STON1: variants seen among roughly 807,000 people sequenced by gnomAD.
The protein encoded by STON1 is stonin 1.
STON1 carries 79 observed loss-of-function variants against 60.9 expected under a neutral mutation model. That is an observed-to-expected ratio of 1.30 (90% CI 1.08 to 1.56). The LOEUF (loss-of-function observed/expected upper bound fraction) is 1.56, where lower values mean the gene tolerates loss of function less well. Ranked by LOEUF, STON1 falls within the 40% of genes most tolerant of loss-of-function variation. The pLI is 0.00. For synonymous variants in STON1, 363 were observed against 306.9 expected, an observed-to-expected ratio of 1.18 and a Z score of -1.91; for missense variants, 1,166 against 858.9, an observed-to-expected ratio of 1.36 and a Z score of -4.47.
At chr2:48,576,074 G>C (rs1171307934) in intron 1 of STON1, among the ~76,000 whole-genome samples, 1 of 150,340 alleles carries the variant, frequency 6.7e-6, no homozygotes, top group Non-Finnish European at 1.5e-5. Context: ...TTAATTTTTT[G>C]AGGGCCTTCC....
Position 48,546,531 on chromosome 2 carries a change from C to G in STON1, c.-48+16315C>G, listed in dbSNP as rs192282869. 4.6e-3 allele frequency among the ~76,000 whole-genome samples: 700 copies of G among 152,334 alleles called. 2 individuals are homozygous for G. Among genetic ancestry groups the G allele is most frequent in the African/African-American group, 0.016 (682 of 41,598 alleles). On this transcript the variant is annotated intron_variant, in intron 1 of 3. Coordinates refer to ENST00000404752, the MANE Select transcript of STON1 (RefSeq NM_006873.4). ...GGACACTTGCCACCATCATTCCTGC[C>G]AATCTTGATTAGGCATCTGGCTTTG...
chr2:48,584,456 CG>C (rs1674082032), intron 2 of STON1, among the ~76,000 whole-genome samples: 1 of 151,832 alleles, frequency 6.6e-6, no homozygotes, highest in Non-Finnish European at 1.5e-5. Context: ...TTAGTAGAGA[CG>C]GGGTTTTCCC....
chr2:48,550,497 CAAAA>C (rs370025098), intron 1 of STON1, among the ~76,000 whole-genome samples: 1 of 113,036 alleles, frequency 8.8e-6, no homozygotes. Context: ...AACTCTATCT[CAAAA>C]AAAAAAAAAG....
chr2:48,565,443 C>T (rs1379206941), intron 1 of STON1, among the ~76,000 whole-genome samples: 2 of 152,140 alleles, frequency 1.3e-5, no homozygotes, highest in Non-Finnish European at 2.9e-5. Flanking sequence ...TAAATATCAT[C>T]ACATTGGGAT....
At chr2:48,548,250 A>G (rs1180146940) in intron 1 of STON1, among the ~76,000 whole-genome samples, 2 of 152,228 alleles carry the variant, frequency 1.3e-5, no homozygotes, top group Non-Finnish European at 2.9e-5. Flanking sequence ...GTAAAAGCAC[A>G]TAGCATTGAG....
chr2:48,574,742 G>A (rs2103883987), intron 1 of STON1, among the ~76,000 whole-genome samples: 1 of 152,212 alleles, frequency 6.6e-6, no homozygotes, highest in East Asian at 1.9e-4. Flanking sequence ...TTATAAATTG[G>A]ATTTTTAATC....
Position 48,581,567 on chromosome 2 carries a change from G to C in STON1, c.934G>C (p.Glu312Gln). The C allele has an allele frequency of 6.2e-7, 1 of 1,614,198 alleles. No homozygotes were observed. Among genetic ancestry groups the C allele is most frequent in the Non-Finnish European group, 8.5e-7 (1 of 1,180,030 alleles). Reference sequence around the variant, plus strand: ...TGGAGGAATTTTGCAGATGTATTATGAACAGGGATTAGAAAAACCATTTAA... The same window carrying C: ...TGGAGGAATTTTGCAGATGTATTATCAACAGGGATTAGAAAAACCATTTAA... ...LPGGILQMYY[E>Q]QGLEKPFKEI... Residue 312 changes from glutamate (E) to glutamine (Q), a missense_variant, in exon 2 of 4, where the codon GAA becomes CAA. Transcript: ENST00000404752.
At chr2:48,593,874 T>C (rs1481911286) in intron 3 of STON1, among the ~76,000 whole-genome samples, 1 of 152,206 alleles carries the variant, frequency 6.6e-6, no homozygotes, top group East Asian at 1.9e-4. Flanking sequence ...AGTGCTGTCC[T>C]GTGCAGCCCC....
intron 1 of STON1, among the ~76,000 whole-genome samples, chr2:48,570,155 C>T (rs943806019): frequency 1.1e-4 from 16 of 151,960 alleles, no homozygotes; most frequent in African/African-American, 3.4e-4. Context: ...GCCAACATGG[C>T]GAAACCCCAT....
Position 48,538,763 on chromosome 2 carries a change from ATTTTTTTTTTTTT to A in STON1, c.-48+8561_-48+8573del, listed in dbSNP as rs34052598. Among the ~76,000 whole-genome samples the A allele has an allele frequency of 2.1e-4, 18 of 86,368 alleles. No individual in the cohort carries two copies. In the South Asian group the frequency reaches 4.3e-3, roughly 21 times the overall value. The allele number at this position is 86,368 out of a possible 152,430, so 56.7% of individuals were successfully genotyped here. The stretch of plus-strand genomic sequence containing the variant: ...CAGGTGTGCGCCACCACACCCAGCT[ATTTTTTTTTTTTT>A]TTTTTTTTTTTTTATATTTTCTGTA... On this transcript the variant is annotated intron_variant, in intron 1 of 3. Transcript: ENST00000404752.
At chr2:48,564,497 T>TTCTTCTTCTCCTTCTC (rs1558605036) in intron 1 of STON1, among the ~76,000 whole-genome samples, 3 of 23,732 alleles carry the variant, frequency 1.3e-4, no homozygotes, top group Non-Finnish European at 2.3e-4. Flanking sequence ...TTCTTCTTCT[T>TTCTTCTTCTCCTTCTC]CTTCTTCTTC....
At chr2:48,548,504 T>C (rs1671952182) in intron 1 of STON1, among the ~76,000 whole-genome samples, 1 of 151,902 alleles carries the variant, frequency 6.6e-6, no homozygotes, top group Non-Finnish European at 1.5e-5. Context: ...CTTTTTTTTT[T>C]TCTTTTTTTT....
chr2:48,542,634 G>T (rs1671699605), intron 1 of STON1, among the ~76,000 whole-genome samples: 1 of 152,176 alleles, frequency 6.6e-6, no homozygotes, highest in Admixed American at 6.5e-5. Context: ...GCTAGGCATG[G>T]TGGCTCAAGC....
chr2:48,542,971 C>CT (rs761874001), intron 1 of STON1, among the ~76,000 whole-genome samples: 1,108 of 105,448 alleles, frequency 0.011, 25 homozygotes, highest in African/African-American at 0.015. Context: ...AATATCTTGA[C>CT]TTTTTTTTTT....
At chr2:48,564,939 G>A (rs191085500) in intron 1 of STON1, among the ~76,000 whole-genome samples, 8 of 147,922 alleles carry the variant, frequency 5.4e-5, no homozygotes, top group African/African-American at 1.5e-4. Context: ...CACCATGTTG[G>A]GCAGGATGGT....
At chr2:48,538,121 C>G (rs1350872558) in intron 1 of STON1, among the ~76,000 whole-genome samples, 2 of 151,726 alleles carry the variant, frequency 1.3e-5, no homozygotes, top group East Asian at 3.9e-4. Flanking sequence ...GTGGGCCCAG[C>G]TAATTTTTTG....
chr2:48,534,136 C>T (rs1340151719), intron 1 of STON1, among the ~76,000 whole-genome samples: 3 of 151,980 alleles, frequency 2.0e-5, no homozygotes, highest in Non-Finnish European at 2.9e-5. Flanking sequence ...GAAAATACAT[C>T]GAGAAAATAC....
At chr2:48,557,785 A>G (rs1403934860) in intron 1 of STON1, among the ~76,000 whole-genome samples, 1 of 152,266 alleles carries the variant, frequency 6.6e-6, no homozygotes. Flanking sequence ...AATAAAGTTC[A>G]CAAGTATTTT....
chr2:48,565,032 C>T (rs1672876428), intron 1 of STON1, among the ~76,000 whole-genome samples: 1 of 144,306 alleles, frequency 6.9e-6, no homozygotes, highest in African/African-American at 2.5e-5. Context: ...TGTCCCTGGC[C>T]CTCCGGCTTC....
Sources: gnomAD v4.1 joint callset for allele counts (sites outside exome capture counted in the v4.1 genomes callset) on GRCh38, gnomAD v4.1.1 for gene constraint, MANE v1.5 for transcripts, NCBI Gene and HGNC (gene_info 2026-07-23, HGNC 2026-07-21) for gene names.